Variants in TMEM143 observed in about 807,000 individuals in gnomAD.
TMEM143 encodes the protein transmembrane protein 143.
In TMEM143, 45 loss-of-function variants were observed where a neutral mutation model predicts 40.3. The observed-to-expected ratio is 1.12, with a 90% CI of 0.88 to 1.43. The LOEUF (loss-of-function observed/expected upper bound fraction) is 1.43, where lower values mean the gene tolerates loss of function less well. Among genes scored for constraint, TMEM143 ranks in the 40% most tolerant of loss-of-function variants. The pLI, the probability that TMEM143 is intolerant of heterozygous loss-of-function variation, is 0.00. For synonymous variants in TMEM143, 299 were observed against 282.7 expected, an observed-to-expected ratio of 1.06 and a Z score of -0.58; for missense variants, 620 against 613.4, an observed-to-expected ratio of 1.01 and a Z score of -0.11.
chr19:48,351,983 TAC>T (rs1325160283), intron 3 of TMEM143, among the ~76,000 whole-genome samples: 1 of 151,572 alleles, frequency 6.6e-6, no homozygotes, highest in East Asian at 1.9e-4. Flanking sequence ...CGCGGTGGTT[TAC>T]GCCTGTAATC....
At position 48,343,415 on chromosome 19, in the gene TMEM143, A is replaced by G; in HGVS notation, c.601T>C (p.Phe201Leu). 6.3e-7 allele frequency: 1 copy of G among 1,590,376 alleles called. No homozygotes were observed. The highest frequency in any genetic ancestry group is 1.1e-5 in the South Asian group (1 of 87,684). The change falls in exon 5 of 8, where the codon TTC (phenylalanine) becomes CTC (leucine). Residue 201 changes from phenylalanine (F) to leucine (L), a missense_variant. Coordinates refer to ENST00000293261, the MANE Select transcript of TMEM143 (RefSeq NM_018273.4). The stretch of plus-strand genomic sequence containing the variant: ...CCGACTCGCTGGCCCAGGGCCCAGA[A>G]GTGAATGTAGACATACTGATCCAAA... ...VNLDQYVYIHFWALGQRVGQM... is the reference protein window; with the variant it reads ...VNLDQYVYIHLWALGQRVGQM...
chr19:48,363,267 T>C, intron 2 of TMEM143, 24 bp downstream of exon 2: 1 of 1,601,802 alleles, frequency 6.2e-7, no homozygotes, highest in Non-Finnish European at 8.5e-7. Flanking sequence ...GTCCCCAGGC[T>C]CTTGGGCCTG....
chr19:48,351,175 C>A (rs930552195), intron 3 of TMEM143, among the ~76,000 whole-genome samples: 1 of 152,068 alleles, frequency 6.6e-6, no homozygotes, highest in Non-Finnish European at 1.5e-5. Context: ...CTCTCAAACC[C>A]ACGATGCCCC....
intron 6 of TMEM143, among the ~76,000 whole-genome samples, chr19:48,339,316 C>T (rs536564143): frequency 1.6e-4 from 24 of 152,222 alleles, no homozygotes; most frequent in African/African-American, 5.5e-4. Flanking sequence ...GAGTGAGGGC[C>T]CCAGCCGGGA....
chr19:48,334,250 T>A lies in TMEM143; in HGVS notation c.976-53A>T. ...TCAGTTCGGGGTGCGCCCCCACCCA[T>A]ACACAGCCCCCGGGGTCACCCCCGC... On this transcript the variant is annotated intron_variant, in intron 6 of 7. Coordinates refer to ENST00000293261, the MANE Select transcript of TMEM143 (RefSeq NM_018273.4). The A allele has an allele frequency of 2.0e-6, 3 of 1,518,170 alleles. 1 individual carries two copies. The South Asian group carries it at 3.6e-5, about 18-fold the overall frequency. 94.0% of individuals were successfully genotyped at this position (1,518,170 alleles called of 1,614,324 possible).
chr19:48,335,138 A>G (rs1368201199), intron 6 of TMEM143, among the ~76,000 whole-genome samples: 1 of 152,262 alleles, frequency 6.6e-6, no homozygotes, highest in Non-Finnish European at 1.5e-5. Context: ...AAATCATCCA[A>G]TAGTAGGACA....
Position 48,363,342 on chromosome 19 carries a change from G to C in TMEM143, c.213C>G (p.Arg71=). 1.2e-6 allele frequency: 2 copies of C among 1,614,210 alleles called. No individual in the cohort carries two copies. Among genetic ancestry groups the C allele is most frequent in the Non-Finnish European group, 8.5e-7 (1 of 1,180,030 alleles). ...CCTTGGAGAAGGGAATGAAGCGCTC[G>C]CGGTACTGCTGGGCCCAGTCGCGGG... The part of the protein sequence containing the change: ...REPRDWAQQY[R]ERFIPFSKEQ... The change falls in exon 2 of 8, where the codon CGC becomes CGG. Residue 71 remains arginine (R), a synonymous_variant. Coordinates refer to ENST00000293261, the MANE Select transcript of TMEM143 (RefSeq NM_018273.4).
chr19:48,355,339 T>TA lies in TMEM143; in HGVS notation c.369+4732dup, dbSNP rs544243984. Among the ~76,000 whole-genome samples, 100 of 151,522 alleles carry TA rather than the reference T, an allele frequency of 6.6e-4. 1 individual carries two copies. Among genetic ancestry groups the TA allele is most frequent in the Middle Eastern group, 3.4e-3 (1 of 294 alleles). On this transcript the variant is annotated intron_variant, in intron 3 of 7. Coordinates refer to ENST00000293261, the MANE Select transcript of TMEM143 (RefSeq NM_018273.4). ...ACATACCAAGCCCAGCCTTAACTTTTAAAAAAATAGAAAAAGAAAAAAACA... is the reference window on the plus strand; with the variant it reads ...ACATACCAAGCCCAGCCTTAACTTTTAAAAAAAATAGAAAAAGAAAAAAACA...
chr19:48,334,462 C>G (rs1969312977), intron 6 of TMEM143, among the ~76,000 whole-genome samples: 1 of 47,156 alleles, frequency 2.1e-5, no homozygotes, highest in Admixed American at 2.3e-4. Context: ...TTCTTTCTTT[C>G]TTTCTTTCTT....
intron 3 of TMEM143, among the ~76,000 whole-genome samples, chr19:48,349,875 A>G (rs1156934447): frequency 6.6e-6 from 1 of 152,134 alleles, no homozygotes; most frequent in African/African-American, 2.4e-5. Context: ...GCACCATCCA[A>G]TAAGGTCGAC....
At chr19:48,355,077 C>T (rs1969856254) in intron 3 of TMEM143, among the ~76,000 whole-genome samples, 2 of 151,592 alleles carry the variant, frequency 1.3e-5, no homozygotes, top group South Asian at 4.2e-4. Flanking sequence ...AGTGCAGTGG[C>T]GTGATCTTGG....
At chr19:48,359,459 G>T (rs1336146183) in intron 3 of TMEM143, among the ~76,000 whole-genome samples, 1 of 149,182 alleles carries the variant, frequency 6.7e-6, no homozygotes, top group Non-Finnish European at 1.5e-5. Context: ...TCCTTGGGGA[G>T]CCCTTCCCCA....
intron 3 of TMEM143, among the ~76,000 whole-genome samples, chr19:48,354,882 C>A (rs886950841): frequency 4.6e-5 from 7 of 152,114 alleles, no homozygotes; most frequent in East Asian, 3.8e-4. Flanking sequence ...GGTCACCCAG[C>A]GGGCCTCACC....
intron 2 of TMEM143, among the ~76,000 whole-genome samples, chr19:48,361,390 G>T (rs1035191881): frequency 5.9e-5 from 9 of 151,612 alleles, no homozygotes; most frequent in Non-Finnish European, 1.2e-4. Context: ...GCTAATTTTT[G>T]TACTTTTAAT....
intron 3 of TMEM143, among the ~76,000 whole-genome samples, chr19:48,346,450 ATCTTCTTGAATCCACCCTCCTCTC>A (rs1159937459): frequency 6.6e-6 from 1 of 152,050 alleles, no homozygotes; most frequent in East Asian, 1.9e-4. Flanking sequence ...AAACCCCTGA[ATCTTCTTGAATCCACCCTCCTCTC>A]TATCTCCTTT....
chr19:48,342,626 G>C lies in TMEM143; in HGVS notation c.879C>G (p.Phe293Leu), dbSNP rs757039002. 7.4e-6 allele frequency: 12 copies of C among 1,613,926 alleles called. No homozygotes were observed. The South Asian group carries it at 1.3e-4, about 18-fold the overall frequency. Residue 293 changes from phenylalanine (F) to leucine (L), a missense_variant, in exon 6 of 8, where the codon TTC becomes TTG. Physicochemically the swap from Phe to Leu is conservative, Grantham distance 22. Coordinates refer to ENST00000293261, the MANE Select transcript of TMEM143 (RefSeq NM_018273.4). ...TTAGCACCACCATGCCCACGTTGACGAAGATCGCCACGCCGGAGACTACCA... is the reference window on the plus strand; with the variant it reads ...TTAGCACCACCATGCCCACGTTGACCAAGATCGCCACGCCGGAGACTACCA... Reference protein sequence around the residue: ...LMLVVSGVAIFVNVGMVVLTD... With the variant: ...LMLVVSGVAILVNVGMVVLTD...
intron 5 of TMEM143, 187 bp from the exon 6 acceptor site, chr19:48,342,996 C>G: frequency 1.3e-6 from 1 of 748,822 alleles, no homozygotes; most frequent in South Asian, 2.0e-5. Context: ...ATCGCGCCAT[C>G]GATCCCTGGT....
intron 3 of TMEM143, among the ~76,000 whole-genome samples, chr19:48,358,899 T>C (rs1412641925): frequency 6.6e-6 from 1 of 152,088 alleles, no homozygotes; most frequent in Non-Finnish European, 1.5e-5. Flanking sequence ...CCTGGCACAG[T>C]GGCTCACGCC....
Position 48,345,308 on chromosome 19 carries a change from G to A in TMEM143, c.416C>T (p.Pro139Leu), listed in dbSNP as rs1969597284. The A allele has an allele frequency of 6.3e-7, 1 of 1,597,830 alleles. No individual in the cohort carries two copies. The highest frequency in any genetic ancestry group is 8.5e-7 in the Non-Finnish European group (1 of 1,172,458). Residue 139 changes from proline to leucine, a missense_variant, in exon 4 of 8, where the codon CCA becomes CTA. Pro to Leu is a moderately conservative substitution (Grantham distance 98). Transcript: ENST00000293261. ...CAGACGCTGGGGATCCGTTAGTGAT[G>A]GCTGATCGAGGGTCTCCCTGTCAGG... The part of the protein sequence containing the change: ...INPDRETLDQ[P>L]SLTDPQRLSN...
Sources: allele counts gnomAD v4.1 joint callset (sites outside exome capture counted in the v4.1 genomes callset), GRCh38; gene constraint gnomAD v4.1.1; transcripts MANE v1.5; gene names NCBI Gene and HGNC (gene_info 2026-07-23, HGNC 2026-07-21).